Variants in NECTIN4 observed in about 807,000 individuals in gnomAD.
NECTIN4 encodes nectin cell adhesion molecule 4.
In NECTIN4, 19 loss-of-function variants were observed where a neutral mutation model predicts 51.7. The ratio of observed to expected loss-of-function variants is 0.37; its 90% CI spans 0.26 to 0.54. The LOEUF (loss-of-function observed/expected upper bound fraction) is 0.54, where lower values mean the gene tolerates loss of function less well. NECTIN4 is among the 20% of genes least tolerant of loss of function. The pLI, the probability that NECTIN4 is intolerant of heterozygous loss-of-function variation, is 0.86. For missense variants in NECTIN4, 619 were observed against 662.4 expected, an observed-to-expected ratio of 0.93 and a Z score of 0.72; for synonymous variants, 283 against 286.9, an observed-to-expected ratio of 0.99 and a Z score of 0.14.
At position 161,076,504 on chromosome 1, in the gene NECTIN4, T is replaced by C. The variant is rs747731302; in HGVS notation, c.731-29A>G. ...GAATGGGAAGTGGGAGGAGAAAGAA[T>C]GGGAATGATGCCTTTGATCATGTGG... On this transcript the variant is annotated intron_variant, in intron 3 of 8. Coordinates refer to ENST00000368012, the MANE Select transcript of NECTIN4 (RefSeq NM_030916.3). The C allele has an allele frequency of 5.6e-6, 9 of 1,613,014 alleles. 1 individual carries two copies. The East Asian group carries it at 6.7e-5, about 12-fold the overall frequency.
intron 5 of NECTIN4, 82 bp from the exon 6 acceptor site, chr1:161,074,455 C>G: frequency 6.2e-7 from 1 of 1,602,164 alleles, no homozygotes; most frequent in Non-Finnish European, 8.5e-7. Flanking sequence ...CGCAAAACAT[C>G]TAAAACCACA....
intron 3 of NECTIN4, among the ~76,000 whole-genome samples, chr1:161,076,891 A>G (rs1369359673): frequency 6.6e-6 from 1 of 152,218 alleles, no homozygotes; most frequent in Non-Finnish European, 1.5e-5. Context: ...CTTTGAGCCA[A>G]ATGCTGACAG....
chr1:161,074,907 A>G, intron 4 of NECTIN4, 148 bp from the exon 5 acceptor site: 1 of 824,282 alleles, frequency 1.2e-6, no homozygotes. Flanking sequence ...TCCACCAGGC[A>G]GGTCTAGGCA....
At chr1:161,079,532 T>C in intron 2 of NECTIN4, 58 bp downstream of exon 2, 1 of 1,592,024 alleles carries the variant, frequency 6.3e-7, no homozygotes, top group Non-Finnish European at 8.5e-7. Context: ...GCAGTCCCCA[T>C]CTCTGCTTCC....
chr1:161,073,145 G>A, intron 8 of NECTIN4, 80 bp downstream of exon 8: 1 of 1,254,366 alleles, frequency 8.0e-7, no homozygotes, highest in South Asian at 1.2e-5. Context: ...TGGTAAGGGG[G>A]CTGCTGACGC....
chr1:161,074,327 C>T lies in NECTIN4; in HGVS notation c.1047G>A (p.Ser349=), dbSNP rs765664429. The change falls in exon 6 of 9, where the codon TCG becomes TCA. Residue 349 remains serine, a synonymous_variant. Coordinates refer to ENST00000368012, the MANE Select transcript of NECTIN4 (RefSeq NM_030916.3). ...SGKQVDLVSA[S]VVVVGVIAAL... ...CGGCGATCACACCCACCACCACCAC[C>T]GAGGCTGACACTAGGTCCACCTGCT... 76 of 1,613,922 alleles carry T rather than the reference C, an allele frequency of 4.7e-5. No individual in the cohort carries two copies. Among genetic ancestry groups the T allele is most frequent in the Middle Eastern group, 1.6e-4 (1 of 6,082 alleles).
chr1:161,081,265 G>A (rs531014469), intron 1 of NECTIN4, among the ~76,000 whole-genome samples: 3 of 152,064 alleles, frequency 2.0e-5, no homozygotes, highest in South Asian at 4.1e-4. Flanking sequence ...GTCACTAAAG[G>A]TTCCTTAGCC....
intron 2 of NECTIN4, among the ~76,000 whole-genome samples, 173 bp from the exon 3 acceptor site, chr1:161,077,916 A>G (rs1056767104): frequency 8.5e-5 from 13 of 152,156 alleles, no homozygotes; most frequent in African/African-American, 3.1e-4. Flanking sequence ...ATCCTTCTCT[A>G]CTGTGCGAAT....
chr1:161,079,584 G>C lies in NECTIN4; in HGVS notation c.439+6C>G. 6.2e-7 allele frequency: 1 copy of C among 1,602,568 alleles called. No homozygotes were observed. The highest frequency in any genetic ancestry group is 2.2e-5 in the East Asian group (1 of 44,820). On this transcript the variant is annotated splice_donor_region_variant and intron_variant, in intron 2 of 8. Transcript: ENST00000368012. The stretch of plus-strand genomic sequence containing the variant: ...GCTCAGACCGTACCCAGAGATCCCC[G>C]CTTACCCAGCACTCGGAGCCGCAGC...
intron 1 of NECTIN4, among the ~76,000 whole-genome samples, chr1:161,082,570 G>A (rs1057214378): frequency 2.0e-5 from 3 of 152,166 alleles, no homozygotes; most frequent in Admixed American, 6.5e-5. Context: ...ATAGAGCACA[G>A]GAAGGGGTTC....
chr1:161,083,548 G>T (rs1653793614), intron 1 of NECTIN4, among the ~76,000 whole-genome samples: 2 of 152,226 alleles, frequency 1.3e-5, no homozygotes, highest in Admixed American at 1.3e-4. Flanking sequence ...GTTTACTGAG[G>T]CTGGTGGACT....
At chr1:161,087,871 G>A (rs985460802) in intron 1 of NECTIN4, among the ~76,000 whole-genome samples, 15 of 152,222 alleles carry the variant, frequency 9.9e-5, no homozygotes, top group Admixed American at 8.5e-4. Flanking sequence ...TTGGAGTGGT[G>A]ATCTCTTTGA....
chr1:161,079,842 C>T lies in NECTIN4; in HGVS notation c.187G>A (p.Gly63Arg). ...TCCACCCGAGCCCATGCCACTTGCCCCACTTGCTCGCCGGAGTCCCCTCGG... is the reference window on the plus strand; with the variant it reads ...TCCACCCGAGCCCATGCCACTTGCCTCACTTGCTCGCCGGAGTCCCCTCGG... ...FYRGDSGEQV[G>R]QVAWARVDAG... is the part of the protein sequence containing the mutation. The change falls in exon 2 of 9, where the codon GGG becomes AGG. Residue 63 changes from glycine (G) to arginine (R), a missense_variant. Physicochemically the swap from Gly to Arg is moderately radical, Grantham distance 125 (BLOSUM62 -2). Transcript: ENST00000368012. The T allele has an allele frequency of 6.2e-7, 1 of 1,613,904 alleles. No homozygotes were observed. Among genetic ancestry groups the T allele is most frequent in the African/African-American group, 1.3e-5 (1 of 75,072 alleles).
intron 1 of NECTIN4, among the ~76,000 whole-genome samples, chr1:161,082,667 G>A (rs1293355245): frequency 6.6e-6 from 1 of 152,032 alleles, no homozygotes; most frequent in Non-Finnish European, 1.5e-5. Flanking sequence ...CCAGATACCA[G>A]AGCCCTGACC....
rs1323144382 is a variant in NECTIN4 at position 161,089,173 on chromosome 1, G to T, written c.79+45C>A. The T allele has an allele frequency of 3.8e-6, 6 of 1,571,492 alleles. No homozygotes were observed. The highest frequency in any genetic ancestry group is 5.3e-6 in the Non-Finnish European group (6 of 1,142,616). On this transcript the variant is annotated intron_variant, in intron 1 of 8. Coordinates refer to ENST00000368012, the MANE Select transcript of NECTIN4 (RefSeq NM_030916.3). This position sits in a 1 kb window ranked among gnomAD's most constrained non-coding sequence, Gnocchi z 4.1. ...GTTTGTGCATGTGTGTCAGTGCCAG[G>T]TTGGGCTCAGAAGCAAGTGTCCTGA...
At position 161,079,720 on chromosome 1, in the gene NECTIN4, G is replaced by C. The variant is rs749255030; in HGVS notation, c.309C>G (p.Pro103=). 6.2e-6 allele frequency: 10 copies of C among 1,609,100 alleles called. No homozygotes were observed. The highest frequency in any genetic ancestry group is 2.2e-5 in the East Asian group (1 of 44,876). ...AYEGRVEQPP[P]PRNPLDGSVL... ...CTGAGCCGTCCAGGGGGTTGCGTGG[G>C]GGCGGCGGCTGCTCCACGCGGCCCT... Residue 103 remains proline (P), a synonymous_variant, in exon 2 of 9, where the codon CCC becomes CCG. Coordinates refer to ENST00000368012, the MANE Select transcript of NECTIN4 (RefSeq NM_030916.3).
At position 161,089,231 on chromosome 1, in the gene NECTIN4, C is replaced by CAGCAGT; in HGVS notation, c.60_65dup (p.Leu21_Leu22dup). The CAGCAGT allele has an allele frequency of 6.2e-7, 1 of 1,612,922 alleles. No individual in the cohort carries two copies. Among genetic ancestry groups the CAGCAGT allele is most frequent in the South Asian group, 1.1e-5 (1 of 91,066 alleles). ...GGCAAGTCCTACCTGTAAATGATGC[C>CAGCAGT]AGCAGTAGCAGCAGCAGCAGCCAGG... On this transcript the variant is annotated inframe_insertion, in exon 1 of 9. Transcript: ENST00000368012. This position sits in a 1 kb window ranked among gnomAD's most constrained non-coding sequence, Gnocchi z 4.1.
At chr1:161,072,931 G>T (rs749093926) in intron 8 of NECTIN4, 46 bp from the exon 9 acceptor site, 145 of 1,549,624 alleles carry the variant, frequency 9.4e-5, no homozygotes, top group Non-Finnish European at 1.2e-4. Flanking sequence ...AGGCAGGGCA[G>T]CTGCACATGG....
rs1203477122 is a variant in NECTIN4 at position 161,071,933 on chromosome 1, T to C, written c.*728A>G. 5 of 151,784 alleles carry C rather than the reference T, an allele frequency of 3.3e-5. No homozygotes were observed. The highest frequency in any genetic ancestry group is 4.8e-5 in the African/African-American group (2 of 41,314). 9.4% of individuals were successfully genotyped at this position (151,784 alleles called of 1,614,324 possible). ...AAAAATTAAAAGTGATTCGGAGCAG[T>C]ATTCCTGCAAGAAGCTCCCGGCGCA... On this transcript the variant is annotated 3_prime_UTR_variant, in exon 9 of 9. Coordinates refer to ENST00000368012, the MANE Select transcript of NECTIN4 (RefSeq NM_030916.3).
Sources: gnomAD v4.1 joint callset for allele counts (sites outside exome capture counted in the v4.1 genomes callset) on GRCh38, gnomAD v4.1.1 for gene constraint, Gnocchi (gnomAD v3.1) non-coding constraint, MANE v1.5 for transcripts, NCBI Gene and HGNC (gene_info 2026-07-23, HGNC 2026-07-21) for gene names.